Variants in EIF4G3 observed in about 807,000 individuals in gnomAD.
EIF4G3 encodes eIF-4-gamma 3.
Under a neutral mutation model 186.4 loss-of-function variants are expected in EIF4G3, and 34 were observed. The ratio of observed to expected loss-of-function variants is 0.18; its 90% CI spans 0.14 to 0.24. The LOEUF is 0.24. EIF4G3 is among the 10% of genes least tolerant of loss of function. EIF4G3 has a pLI of 1.00. For missense variants in EIF4G3, 1,536 were observed against 1,948.5 expected, an observed-to-expected ratio of 0.79 and a Z score of 3.99; for synonymous variants, 673 against 679.5, an observed-to-expected ratio of 0.99 and a Z score of 0.15.
chr1:20,944,812 T>C (rs1446235546), intron 13 of EIF4G3, among the ~76,000 whole-genome samples: 3 of 151,676 alleles, frequency 2.0e-5, no homozygotes, highest in Admixed American at 2.0e-4. Flanking sequence ...AGGGGGAGGA[T>C]CACTTGAGCC....
intron 19 of EIF4G3, among the ~76,000 whole-genome samples, chr1:20,879,822 T>G (rs2081817982): frequency 1.3e-5 from 2 of 152,196 alleles, no homozygotes; most frequent in Non-Finnish European, 2.9e-5. Flanking sequence ...TAAAACTGTG[T>G]ATGTAACCTT....
At chr1:21,175,632 T>C (rs2098086166) in intron 2 of EIF4G3, 1 of 152,250 alleles carries the variant, frequency 6.6e-6, no homozygotes, top group Non-Finnish European at 1.5e-5. Flanking sequence ...CTGCTTTCTG[T>C]ACATTTTCAC....
At chr1:21,126,932 A>G (rs1026841960) in intron 2 of EIF4G3, among the ~76,000 whole-genome samples, 1 of 152,184 alleles carries the variant, frequency 6.6e-6, no homozygotes, top group Non-Finnish European at 1.5e-5. Flanking sequence ...TAAATGTTGT[A>G]TAAAGAGTTA....
chr1:21,119,124 T>C (rs1219272571), intron 2 of EIF4G3, among the ~76,000 whole-genome samples: 1 of 152,106 alleles, frequency 6.6e-6, no homozygotes, highest in Admixed American at 6.6e-5. Context: ...ACAAATTAGA[T>C]TGCAAATAAA....
At chr1:21,151,879 T>C (rs2097557436) in intron 2 of EIF4G3, among the ~76,000 whole-genome samples, 1 of 152,098 alleles carries the variant, frequency 6.6e-6, no homozygotes, top group Non-Finnish European at 1.5e-5. Flanking sequence ...CCCACTCCAC[T>C]TGGAAAAAGA....
intron 33 of EIF4G3, 44 bp from the exon 34 acceptor site, chr1:20,817,582 CTA>C (rs2154545392): frequency 7.9e-7 from 1 of 1,268,992 alleles, no homozygotes; most frequent in African/African-American, 1.5e-5. Flanking sequence ...TAATATAATT[CTA>C]TGTTATTGTC....
At chr1:20,990,586 T>C (rs901264224) in intron 7 of EIF4G3, among the ~76,000 whole-genome samples, 1 of 151,802 alleles carries the variant, frequency 6.6e-6, no homozygotes, top group Non-Finnish European at 1.5e-5. Context: ...GCAGAATTGC[T>C]TGAACCCGGG....
chr1:20,968,400 G>A (rs1244872484), intron 12 of EIF4G3, among the ~76,000 whole-genome samples: 2 of 152,008 alleles, frequency 1.3e-5, no homozygotes, highest in African/African-American at 4.8e-5. Context: ...GATTGGTCTC[G>A]AACTCCAGAC....
chr1:20,862,892 A>G (rs1225524940), intron 22 of EIF4G3, among the ~76,000 whole-genome samples: 1 of 152,112 alleles, frequency 6.6e-6, no homozygotes. Context: ...CTCCTGCCTC[A>G]GCTTCCCAAG....
At chr1:21,168,414 A>ATT (rs1308193936) in intron 2 of EIF4G3, among the ~76,000 whole-genome samples, 14 of 151,040 alleles carry the variant, frequency 9.3e-5, no homozygotes, top group African/African-American at 2.7e-4. Flanking sequence ...AATTTTTTAA[A>ATT]AAAAAAAAGT....
chr1:20,902,114 G>C (rs1047951123), intron 15 of EIF4G3, among the ~76,000 whole-genome samples: 1 of 151,250 alleles, frequency 6.6e-6, no homozygotes, highest in Non-Finnish European at 1.5e-5. Context: ...ACCCAGGCTG[G>C]AGTCAGTGGC....
intron 4 of EIF4G3, among the ~76,000 whole-genome samples, chr1:21,027,359 A>G (rs2154571531): frequency 6.6e-6 from 1 of 151,734 alleles, no homozygotes; most frequent in Non-Finnish European, 1.5e-5. Context: ...TGCTCAGCAC[A>G]GTGGCTCGTG....
chr1:21,145,096 T>C (rs1436083538), intron 2 of EIF4G3, among the ~76,000 whole-genome samples: 4 of 150,830 alleles, frequency 2.7e-5, no homozygotes, highest in Non-Finnish European at 4.4e-5. Flanking sequence ...CTGGGCAACA[T>C]AGCAAGAAAA....
intron 14 of EIF4G3, among the ~76,000 whole-genome samples, chr1:20,932,219 C>T (rs6698440): frequency 0.4 from 61,213 of 151,854 alleles, 13,045 homozygotes; most frequent in Non-Finnish European, 0.47. Context: ...TCAGTCTTCA[C>T]AGAACTGAAG....
chr1:20,816,855 G>C (rs2061121481), intron 34 of EIF4G3, among the ~76,000 whole-genome samples: 1 of 102,074 alleles, frequency 9.8e-6, no homozygotes, highest in Admixed American at 1.0e-4. Flanking sequence ...GGTCTGTGTA[G>C]AAAGAAGTAG....
chr1:20,839,109 C>G lies in EIF4G3; in HGVS notation c.4061+1747G>C, dbSNP rs566183465. Among the ~76,000 whole-genome samples the G allele has an allele frequency of 2.0e-5, 3 of 152,264 alleles. No homozygotes were observed. The South Asian group carries it at 6.2e-4, about 32-fold the overall frequency. ...TTCTCTTGCCTTGGTCTCCGGGTAGCTGGGATTACAGGTGCGTGCCACCAC... is the reference window on the plus strand; with the variant it reads ...TTCTCTTGCCTTGGTCTCCGGGTAGGTGGGATTACAGGTGCGTGCCACCAC... On this transcript the variant is annotated intron_variant, in intron 30 of 36. Transcript: ENST00000602326.
chr1:20,807,554 A>G, intron 36 of EIF4G3, 54 bp from the exon 37 acceptor site: 1 of 1,395,298 alleles, frequency 7.2e-7, no homozygotes, highest in South Asian at 1.7e-5. Context: ...GTTATGAGGA[A>G]AAGAATATAT....
chr1:20,857,370 G>A, intron 25 of EIF4G3, 33 bp downstream of exon 25: 1 of 1,518,752 alleles, frequency 6.6e-7, no homozygotes, highest in Non-Finnish European at 9.1e-7. Flanking sequence ...CATCAAAGGA[G>A]AGCGTAAATT....
intron 21 of EIF4G3, 59 bp downstream of exon 21, chr1:20,865,057 A>T: frequency 2.5e-6 from 4 of 1,590,272 alleles, no homozygotes; most frequent in Non-Finnish European, 3.4e-6. Flanking sequence ...AGCTTCCTGA[A>T]ATTTCTACTT....
Sources: allele counts gnomAD v4.1 joint callset (sites outside exome capture counted in the v4.1 genomes callset), GRCh38; gene constraint gnomAD v4.1.1; transcripts MANE v1.5; gene names NCBI Gene and HGNC (gene_info 2026-07-23, HGNC 2026-07-21).